The following DENND2C variants were observed in gnomAD, a reference collection of about 807,000 sequenced individuals.
DENND2C encodes the protein DENN domain containing 2C, also known as DENN domain-containing protein 2C.
A neutral mutation model predicts 112.4 loss-of-function variants in DENND2C; 72 were observed. The ratio of observed to expected loss-of-function variants is 0.64; its 90% CI spans 0.53 to 0.78. DENND2C has a LOEUF of 0.78. Among genes scored for constraint, DENND2C ranks in the 30% least tolerant of loss-of-function variants. The pLI, the probability that DENND2C is intolerant of heterozygous loss-of-function variation, is 0.00. For synonymous variants in DENND2C, 329 were observed against 381.6 expected (o/e 0.86, Z 1.61); for missense variants, 992 against 1,113.8 (o/e 0.89, Z 1.56).
chr1:114,629,666 CTGTG>C (rs1462892770), intron 3 of DENND2C, among the ~76,000 whole-genome samples: 2 of 152,162 alleles, frequency 1.3e-5, no homozygotes, highest in African/African-American at 4.8e-5. Flanking sequence ...TATTGCTCTT[CTGTG>C]TATTTATTTT....
At chr1:114,627,333 G>A (rs180692638) in intron 3 of DENND2C, among the ~76,000 whole-genome samples, 132 of 152,290 alleles carry the variant, frequency 8.7e-4, no homozygotes, top group African/African-American at 3.0e-3. Flanking sequence ...AAAACTTCCT[G>A]AGGCAGGGAT....
chr1:114,601,093 C>T, intron 13 of DENND2C, 133 bp from the exon 14 acceptor site: 1 of 974,594 alleles, frequency 1.0e-6, no homozygotes, highest in Non-Finnish European at 1.4e-6. Flanking sequence ...TAAGCTTCTG[C>T]AATCAATAAA....
intron 3 of DENND2C, among the ~76,000 whole-genome samples, chr1:114,642,972 C>T (rs1208921471): frequency 6.6e-6 from 1 of 152,130 alleles, no homozygotes; most frequent in African/African-American, 2.4e-5. Context: ...TCTATTACAC[C>T]TATTTGCATA....
At chr1:114,659,806 T>A (rs534456822) in intron 1 of DENND2C, among the ~76,000 whole-genome samples, 21 of 138,892 alleles carry the variant, frequency 1.5e-4, no homozygotes, top group African/African-American at 5.1e-4. Flanking sequence ...CCTCCCTTCC[T>A]TCCTTCCCAA....
chr1:114,656,084 G>A (rs1019225402), intron 1 of DENND2C, among the ~76,000 whole-genome samples: 2 of 149,676 alleles, frequency 1.3e-5, no homozygotes, highest in East Asian at 2.0e-4. Context: ...CTTTTTTTTC[G>A]GAGATGGGGG....
At position 114,630,090 on chromosome 1, in the gene DENND2C, G is replaced by A. The variant is rs535416335; in HGVS notation, c.-204-3902C>T. 2.1e-3 allele frequency among the ~76,000 whole-genome samples: 325 copies of A among 152,074 alleles called. 2 individuals are homozygous for A. Among genetic ancestry groups the A allele is most frequent in the African/African-American group, 7.2e-3 (297 of 41,514 alleles). On this transcript the variant is annotated intron_variant, in intron 3 of 20. Coordinates refer to ENST00000393274, the MANE Select transcript of DENND2C (RefSeq NM_001256404.2). ...AGCACTTTGGGAGGCTGAGGCGGGC[G>A]GATCATGAGGTCAAGAGATTGAGAC...
chr1:114,597,611 G>A (rs771650877), intron 16 of DENND2C, among the ~76,000 whole-genome samples: 68 of 151,912 alleles, frequency 4.5e-4, no homozygotes, highest in South Asian at 1.5e-3. Flanking sequence ...GTGAAACCCC[G>A]TCTCTACTAA....
Position 114,663,005 on chromosome 1 carries a change from G to GA in DENND2C, c.-574+6977dup, listed in dbSNP as rs150262462. ...AAGAGGGAAAAGGAAAGGGAGGAAG[G>GA]AAAAAAATGGGTAAATACCTGGAAT... On this transcript the variant is annotated intron_variant, in intron 1 of 20. Transcript: ENST00000393274. 6.4e-3 allele frequency among the ~76,000 whole-genome samples: 977 copies of GA among 151,544 alleles called. 13 individuals are homozygous for GA. The highest frequency in any genetic ancestry group is 0.022 in the African/African-American group (920 of 41,384).
intron 3 of DENND2C, among the ~76,000 whole-genome samples, chr1:114,638,089 G>A (rs1403476543): frequency 1.3e-5 from 2 of 152,090 alleles, no homozygotes; most frequent in Admixed American, 6.5e-5. Flanking sequence ...TTAGTTGACA[G>A]GACAGACAAA....
At chr1:114,645,650 A>T (rs1246780198) in intron 2 of DENND2C, 91 bp from the exon 3 acceptor site, 2 of 152,230 alleles carry the variant, frequency 1.3e-5, no homozygotes, top group South Asian at 2.1e-4. Flanking sequence ...CTGAATCAGA[A>T]TACTTATTTG....
chr1:114,637,955 GT>G (rs1656702906), intron 3 of DENND2C, among the ~76,000 whole-genome samples: 1 of 152,094 alleles, frequency 6.6e-6, no homozygotes, highest in Non-Finnish European at 1.5e-5. Context: ...TGATTTTCAA[GT>G]TTATAAGGAA....
chr1:114,654,530 T>C lies in DENND2C; in HGVS notation c.-342A>G, dbSNP rs1358800126. The C allele has an allele frequency of 6.6e-6, 1 of 152,204 alleles. No homozygotes were observed. The allele number at this position is 152,204 out of a possible 1,614,324, so 9.4% of individuals were successfully genotyped here. A position where few individuals can be genotyped will look rare whatever the true frequency, so the allele number is the denominator to read the frequency against. On this transcript the variant is annotated 5_prime_UTR_variant, in exon 2 of 21. Transcript: ENST00000393274. Reference sequence around the variant, plus strand: ...TTTTTAAAGATTCATCAAATACTTATTGAACACCCACTTCATACAGAGTAT... The same window carrying C: ...TTTTTAAAGATTCATCAAATACTTACTGAACACCCACTTCATACAGAGTAT...
chr1:114,655,878 G>GTGTATATATATATATA (rs1553238216), intron 1 of DENND2C, among the ~76,000 whole-genome samples: 4 of 19,944 alleles, frequency 2.0e-4, no homozygotes, highest in East Asian at 1.8e-3. Context: ...ATATATATAT[G>GTGTATATATATATATA]TATAAATATA....
At chr1:114,598,162 G>A (rs748987908) in intron 16 of DENND2C, among the ~76,000 whole-genome samples, 5 of 152,156 alleles carry the variant, frequency 3.3e-5, no homozygotes, top group Non-Finnish European at 5.9e-5. Context: ...TGTATGCACT[G>A]AGGGTCATGT....
intron 1 of DENND2C, among the ~76,000 whole-genome samples, chr1:114,663,455 AT>A (rs1657555213): frequency 6.6e-6 from 1 of 152,224 alleles, no homozygotes; most frequent in African/African-American, 2.4e-5. Flanking sequence ...TAAATGAGAA[AT>A]GGGGGATGAA....
intron 3 of DENND2C, among the ~76,000 whole-genome samples, chr1:114,630,924 A>G (rs79755555): frequency 0.054 from 8,298 of 152,310 alleles, 333 homozygotes; most frequent in African/African-American, 0.1. Flanking sequence ...ACAAGAGGTC[A>G]TGATTTACCA....
intron 3 of DENND2C, among the ~76,000 whole-genome samples, chr1:114,643,111 G>A (rs1026627507): frequency 1.6e-4 from 25 of 152,178 alleles, no homozygotes; most frequent in Non-Finnish European, 1.5e-5. Context: ...TCAGGGATAA[G>A]ACTGAAGGGG....
intron 10 of DENND2C, among the ~76,000 whole-genome samples, chr1:114,607,287 A>C (rs551205505): frequency 2.2e-4 from 34 of 152,316 alleles, no homozygotes; most frequent in Non-Finnish European, 4.6e-4. Flanking sequence ...TTAGCATTTC[A>C]AGATGGTGAC....
chr1:114,626,569 G>T (rs566767980), intron 3 of DENND2C, among the ~76,000 whole-genome samples: 4 of 140,548 alleles, frequency 2.8e-5, no homozygotes, highest in Non-Finnish European at 6.0e-5. Flanking sequence ...GGAGTGCAGT[G>T]GTGGTGATCT....
Sources: allele counts gnomAD v4.1 joint callset (sites outside exome capture counted in the v4.1 genomes callset), GRCh38; gene constraint gnomAD v4.1.1; transcripts MANE v1.5; gene names NCBI Gene and HGNC (gene_info 2026-07-23, HGNC 2026-07-21).